ZAP70: variants seen among roughly 807,000 people sequenced by gnomAD.
ZAP70 encodes the protein tyrosine-protein kinase ZAP-70.
Under a neutral mutation model 65.8 loss-of-function variants are expected in ZAP70, and 27 were observed. The observed-to-expected ratio is 0.41, with a 90% CI of 0.30 to 0.57. The LOEUF (loss-of-function observed/expected upper bound fraction) is 0.57, where lower values mean the gene tolerates loss of function less well. Ranked by LOEUF, ZAP70 falls within the 20% of genes least tolerant of loss-of-function variation. The pLI is 0.28. For synonymous variants in ZAP70, 363 were observed against 360.8 expected, an observed-to-expected ratio of 1.01 and a Z score of -0.07; for missense variants, 696 against 870.5, an observed-to-expected ratio of 0.80 and a Z score of 2.52.
Position 97,724,394 on chromosome 2 carries a change from G to A in ZAP70, c.358G>A (p.Asp120Asn). The stretch of plus-strand genomic sequence containing the variant: ...GCCGGGGGTCTTCGACTGCCTGCGA[G>A]ACGCCATGGTGCGTGACTACGTGCG... ...PQPGVFDCLR[D>N]AMVRDYVRQT... The change falls in exon 3 of 14, where the codon GAC (aspartate) becomes AAC (asparagine). Residue 120 changes from aspartate to asparagine, a missense_variant. By Grantham distance (23) the Asp-to-Asn change is conservative (BLOSUM62 1). Around this residue, in one of 3 missense-constraint regions of ZAP70, gnomAD observed 551 missense variants for 630.0 expected, o/e 0.87. Transcript: ENST00000264972. The A allele has an allele frequency of 6.5e-7, 1 of 1,537,316 alleles. No individual in the cohort carries two copies. The highest frequency in any genetic ancestry group is 1.2e-5 in the South Asian group (1 of 80,728).
In ZAP70 at chr2:97,737,605, C is replaced by T. The variant is rs202012936; in HGVS notation, c.1422C>T (p.Tyr474=). The T allele has an allele frequency of 1.2e-5, 20 of 1,614,030 alleles. No homozygotes were observed. Among genetic ancestry groups the T allele is most frequent in the African/African-American group, 4.0e-5 (3 of 74,922 alleles). ...ACGTCCTGCTGGTTAACCGGCACTA[C>T]GCCAAGATCAGCGACTTTGGCCTCT... The part of the protein sequence containing the change: ...ARNVLLVNRH[Y]AKISDFGLSK... Residue 474 remains tyrosine (Y), a synonymous_variant, in exon 11 of 14, where the codon TAC becomes TAT. Transcript: ENST00000264972. The surrounding 1 kb of genome is among the most constrained non-coding windows in gnomAD (Gnocchi z 5.0).
intron 4 of ZAP70, among the ~76,000 whole-genome samples, chr2:97,726,252 T>C (rs1677385964): frequency 6.6e-6 from 1 of 152,222 alleles, no homozygotes; most frequent in Admixed American, 6.5e-5. Context: ...AAAATCTCTT[T>C]TTAAAACTCT....
chr2:97,751,187 C>T, the ZAP70 span, among the ~76,000 whole-genome samples: 1 of 152,152 alleles, frequency 6.6e-6, no homozygotes, highest in Non-Finnish European at 1.5e-5. Context: ...GATGTAGTGT[C>T]CCACTGAAGC....
At chr2:97,717,015 CAT>C (rs1290475040) in intron 2 of ZAP70, among the ~76,000 whole-genome samples, 2 of 152,218 alleles carry the variant, frequency 1.3e-5, no homozygotes, top group Non-Finnish European at 1.5e-5. Flanking sequence ...TCAGGAAAGA[CAT>C]ATGAAGGAGG....
Position 97,737,302 on chromosome 2 carries a change from T to G in ZAP70, c.1290-171T>G, listed in dbSNP as rs1228062114. 6.6e-6 allele frequency among the ~76,000 whole-genome samples: 1 copy of G among 152,188 alleles called. No homozygotes were observed. The highest frequency in any genetic ancestry group is 1.5e-5 in the Non-Finnish European group (1 of 68,014). On this transcript the variant is annotated intron_variant, in intron 10 of 13. Transcript: ENST00000264972. This position sits in a 1 kb window ranked among gnomAD's most constrained non-coding sequence, Gnocchi z 5.0. The stretch of plus-strand genomic sequence containing the variant: ...ATGAAGGCAGGAGTTTTGCCTGTTT[T>G]GTTCACTGCTGTGTCCCCAGCCCCA...
In ZAP70 at chr2:97,731,425, G is replaced by A. The variant is rs1677602435; in HGVS notation, c.564-1458G>A. Among the ~76,000 whole-genome samples, 1 of 152,178 alleles carries A rather than the reference G, an allele frequency of 6.6e-6. No homozygotes were observed. Among genetic ancestry groups the A allele is most frequent in the Admixed American group, 6.5e-5 (1 of 15,280 alleles). Reference sequence around the variant, plus strand: ...CTGTCCCAGCCTACTGTCTCTGTGGGATGTTTGTTTCCTAATTTGTGGTGG... The same window carrying A: ...CTGTCCCAGCCTACTGTCTCTGTGGAATGTTTGTTTCCTAATTTGTGGTGG... On this transcript the variant is annotated intron_variant, in intron 4 of 13. Coordinates refer to ENST00000264972, the MANE Select transcript of ZAP70 (RefSeq NM_001079.4). This position sits in a 1 kb window ranked among gnomAD's most constrained non-coding sequence, Gnocchi z 4.0.
In ZAP70 at chr2:97,737,653, C is replaced by T; in HGVS notation, c.1470C>T (p.Asp490=). The part of the protein sequence containing the change: ...FGLSKALGAD[D]SYYTARSAGK... ...TCTCCAAAGCACTGGGTGCCGACGA[C>T]AGCTACTACACTGTAAGCCTCTGCC... The change falls in exon 11 of 14, where the codon GAC becomes GAT. Residue 490 remains aspartate (D), a synonymous_variant. Coordinates refer to ENST00000264972, the MANE Select transcript of ZAP70 (RefSeq NM_001079.4). This position sits in a 1 kb window ranked among gnomAD's most constrained non-coding sequence, Gnocchi z 5.0. The T allele has an allele frequency of 6.2e-7, 1 of 1,614,122 alleles. No individual in the cohort carries two copies. Among genetic ancestry groups the T allele is most frequent in the Middle Eastern group, 1.6e-4 (1 of 6,062 alleles).
At chr2:97,724,952 T>C in intron 3 of ZAP70, 140 bp from the exon 4 acceptor site, 1 of 1,534,368 alleles carries the variant, frequency 6.5e-7, no homozygotes, top group Admixed American at 2.0e-5. Context: ...GGCGCGGAGG[T>C]AGTCCTCGAA....
Position 97,725,095 on chromosome 2 carries a change from G to A in ZAP70, c.406G>A (p.Glu136Lys). The A allele has an allele frequency of 6.2e-7, 1 of 1,614,004 alleles. No individual in the cohort carries two copies. Among genetic ancestry groups the A allele is most frequent in the Non-Finnish European group, 8.5e-7 (1 of 1,180,024 alleles). The change falls in exon 4 of 14, where the codon GAG becomes AAG. Residue 136 changes from glutamate (E) to lysine (K), a missense_variant. Glu to Lys is a moderately conservative substitution (Grantham distance 56). Transcript: ENST00000264972. ...YVRQTWKLEG[E>K]ALEQAIISQA... ...CTCCTCGCCTCTCCTTTTCTAGGGC[G>A]AGGCCCTGGAGCAGGCCATCATCAG...
chr2:97,714,637 A>G (rs1676837648), intron 2 of ZAP70, among the ~76,000 whole-genome samples: 1 of 152,180 alleles, frequency 6.6e-6, no homozygotes, highest in South Asian at 2.1e-4. Flanking sequence ...GGTAGGAAGC[A>G]TCCCCGACAG....
In ZAP70 at chr2:97,731,054, CAAAAAAAAAAA is replaced by C. The variant is rs56688476; in HGVS notation, c.564-1818_564-1808del. 1.9e-5 allele frequency among the ~76,000 whole-genome samples: 1 copy of C among 52,396 alleles called. No individual in the cohort carries two copies. The highest frequency in any genetic ancestry group is 4.2e-5 in the Non-Finnish European group (1 of 23,850). 34.4% of individuals were successfully genotyped at this position (52,396 alleles called of 152,430 possible). On this transcript the variant is annotated intron_variant, in intron 4 of 13. Transcript: ENST00000264972. This position sits in a 1 kb window ranked among gnomAD's most constrained non-coding sequence, Gnocchi z 4.0. ...CGGGCTGTGGAGCGAGACTCGGTCTCAAAAAAAAAAAAAAAAAAAAAGAGACAGAGGAGGGG... is the reference window on the plus strand; with the variant it reads ...CGGGCTGTGGAGCGAGACTCGGTCTCAAAAAAAAAAGAGACAGAGGAGGGG...
At chr2:97,749,682 T>C in the ZAP70 span, among the ~76,000 whole-genome samples, 1 of 152,204 alleles carries the variant, frequency 6.6e-6, no homozygotes, top group Admixed American at 6.5e-5. Flanking sequence ...TGCAGCCTCC[T>C]CTCCCTGCTG....
At chr2:97,718,400 C>T (rs897793408) in intron 2 of ZAP70, among the ~76,000 whole-genome samples, 4 of 152,212 alleles carry the variant, frequency 2.6e-5, no homozygotes, top group African/African-American at 9.6e-5. Flanking sequence ...TGCCCACCTT[C>T]TCTGGCCTCC....
downstream of ZAP70, among the ~76,000 whole-genome samples, chr2:97,741,173 G>A (rs1194044354): frequency 6.6e-6 from 1 of 152,158 alleles, no homozygotes; most frequent in Non-Finnish European, 1.5e-5. Flanking sequence ...AGCAAGTCTA[G>A]ACACGTTCCA....
At chr2:97,742,331 A>G (rs1678152022), downstream of ZAP70, among the ~76,000 whole-genome samples, 1 of 152,274 alleles carries the variant, frequency 6.6e-6, no homozygotes, top group Non-Finnish European at 1.5e-5. Context: ...AAGACAAATT[A>G]GCATTTCTCT....
In ZAP70 at chr2:97,732,325, G is replaced by A. The variant is rs58332522; in HGVS notation, c.564-558G>A. Among the ~76,000 whole-genome samples the A allele has an allele frequency of 1.0e-2, 1,520 of 152,294 alleles. 31 individuals carry two copies. The highest frequency in any genetic ancestry group is 0.035 in the African/African-American group (1,441 of 41,534). On this transcript the variant is annotated intron_variant, in intron 4 of 13. Transcript: ENST00000264972. ...CCCTGTAAGCTTGTCATGGAGCTGC[G>A]CCTACCTGTGTGGGTCTGTGTGGAA...
intron 2 of ZAP70, among the ~76,000 whole-genome samples, chr2:97,718,418 C>G (rs557927140): frequency 6.6e-6 from 1 of 152,320 alleles, no homozygotes; most frequent in African/African-American, 2.4e-5. Flanking sequence ...TCCCCAGCAT[C>G]TCTGGCCATG....
At chr2:97,753,509 G>C in the ZAP70 span, among the ~76,000 whole-genome samples, 1 of 152,288 alleles carries the variant, frequency 6.6e-6, no homozygotes, top group Non-Finnish European at 1.5e-5. Context: ...TTCCTTTGGA[G>C]TCTGTGTTTC....
At chr2:97,743,082 C>T (rs990651804), downstream of ZAP70, among the ~76,000 whole-genome samples, 24 of 152,134 alleles carry the variant, frequency 1.6e-4, no homozygotes, top group African/African-American at 5.1e-4. Flanking sequence ...CCTTATACTT[C>T]AGGGAGAGAA....
Sources: allele counts gnomAD v4.1 joint callset (sites outside exome capture counted in the v4.1 genomes callset), GRCh38; gene constraint gnomAD v4.1.1; regional missense constraint gnomAD v4.1.1; non-coding constraint Gnocchi (gnomAD v3.1); transcripts MANE v1.5; gene names NCBI Gene and HGNC (gene_info 2026-07-23, HGNC 2026-07-21).